ZHX3: variants seen among roughly 807,000 people sequenced by gnomAD.
ZHX3 encodes the protein zinc fingers and homeoboxes protein 3.
ZHX3 carries 20 observed loss-of-function variants against 64.5 expected under a neutral mutation model. That is an observed-to-expected ratio of 0.31 (90% CI 0.22 to 0.45). The LOEUF (loss-of-function observed/expected upper bound fraction) is 0.45. ZHX3 is among the 20% of genes least tolerant of loss of function. The probability of loss-of-function intolerance (pLI) is 1.00; values close to 1 mark genes in which losing one functional copy is unlikely to be tolerated. For missense variants in ZHX3, 1,041 were observed against 1,195.8 expected (o/e 0.87, Z 1.91); for synonymous variants, 423 against 461.6 (o/e 0.92, Z 1.07).
intron 1 of ZHX3, among the ~76,000 whole-genome samples, chr20:41,276,427 C>T (rs1268098705): frequency 6.6e-6 from 1 of 152,136 alleles, no homozygotes; most frequent in Non-Finnish European, 1.5e-5. Context: ...GCCTCACTCT[C>T]AGTATAGTCA....
intron 1 of ZHX3, among the ~76,000 whole-genome samples, chr20:41,277,589 A>T (rs1207401212): frequency 6.7e-6 from 1 of 149,086 alleles, no homozygotes; most frequent in South Asian, 2.1e-4. Flanking sequence ...CTCCATGTTA[A>T]TTTTTTTTTT....
At chr20:41,282,579 C>A (rs538334708) in intron 1 of ZHX3, among the ~76,000 whole-genome samples, 2 of 152,018 alleles carry the variant, frequency 1.3e-5, no homozygotes, top group East Asian at 1.9e-4. Flanking sequence ...GGGCTGTTCT[C>A]GAACTCCTGA....
At position 41,191,824 on chromosome 20, in the gene ZHX3, T is replaced by C. The variant is rs562406352; in HGVS notation, c.2861-6623A>G. Among the ~76,000 whole-genome samples, 5 of 152,290 alleles carry C rather than the reference T, an allele frequency of 3.3e-5. No individual in the cohort carries two copies. The East Asian group carries it at 9.6e-4, about 29-fold the overall frequency. On this transcript the variant is annotated intron_variant, in intron 3 of 3. Coordinates refer to ENST00000683867, the MANE Select transcript of ZHX3 (RefSeq NM_001384317.1). ...GCTGAGTAGTTACTAGTGGAAGCTA[T>C]GGTAAAATTTTGCTAAGGACTGGAA...
intron 2 of ZHX3, among the ~76,000 whole-genome samples, chr20:41,234,144 T>G (rs2040807288): frequency 6.6e-6 from 1 of 152,208 alleles, no homozygotes; most frequent in African/African-American, 2.4e-5. Flanking sequence ...TCTAACAGCC[T>G]CACTCGGGCC....
At chr20:41,287,182 G>T (rs1412727564) in intron 1 of ZHX3, among the ~76,000 whole-genome samples, 1 of 151,916 alleles carries the variant, frequency 6.6e-6, no homozygotes, top group Non-Finnish European at 1.5e-5. Context: ...TTTATCCCAG[G>T]AATCCACACC....
At chr20:41,194,305 T>G (rs2037299912) in intron 3 of ZHX3, among the ~76,000 whole-genome samples, 1 of 152,184 alleles carries the variant, frequency 6.6e-6, no homozygotes, top group Non-Finnish European at 1.5e-5. Flanking sequence ...AGTTGACTTG[T>G]TAGATGCTCT....
At position 41,185,536 on chromosome 20, in the gene ZHX3, C is replaced by A. The variant is rs2036448120; in HGVS notation, c.2861-335G>T. The A allele has an allele frequency of 6.2e-6, 3 of 483,842 alleles. No individual in the cohort carries two copies. Among genetic ancestry groups the A allele is most frequent in the Non-Finnish European group, 1.1e-5 (3 of 275,286 alleles). 30.0% of individuals were successfully genotyped at this position (483,842 alleles called of 1,614,324 possible). A position where few individuals can be genotyped will look rare whatever the true frequency, so the allele number is the denominator to read the frequency against. ...CTTCCGCCACCACCGTCTCTGGAGT[C>A]CTGTCCTAAAATGCTTCATCCTGCC... On this transcript the variant is annotated intron_variant, in intron 3 of 3. Transcript: ENST00000683867. The surrounding 1 kb of genome is among the most constrained non-coding windows in gnomAD (Gnocchi z 5.0).
At chr20:41,290,139 C>CT (rs2044155223) in intron 1 of ZHX3, 1 of 152,164 alleles carries the variant, frequency 6.6e-6, no homozygotes, top group African/African-American at 2.4e-5. Context: ...AAGACTAGCT[C>CT]TAAAGAGAAG....
intron 2 of ZHX3, among the ~76,000 whole-genome samples, chr20:41,215,841 A>ACT (rs1270953572): frequency 6.7e-6 from 1 of 150,304 alleles, no homozygotes; most frequent in African/African-American, 2.4e-5. Flanking sequence ...AGTCCCAGCC[A>ACT]CTCAGGAGGC....
chr20:41,299,780 T>C (rs547024096), intron 1 of ZHX3, among the ~76,000 whole-genome samples: 5 of 149,244 alleles, frequency 3.4e-5, no homozygotes, highest in African/African-American at 1.2e-4. Context: ...GAGAATCGCT[T>C]GAACCTGGAA....
Position 41,204,267 on chromosome 20 carries a change from T to C in ZHX3, c.650A>G (p.Lys217Arg). The C allele has an allele frequency of 6.2e-7, 1 of 1,614,240 alleles. No individual in the cohort carries two copies. The highest frequency in any genetic ancestry group is 8.5e-7 in the Non-Finnish European group (1 of 1,180,040). ...PSQPVGEALP[K>R]LSTGEMEVRE... Reference sequence around the variant, plus strand: ...CACCTCCATTTCTCCAGTCGACAGCTTTGGTAAGGCCTCACCCACAGGCTG... The same window carrying C: ...CACCTCCATTTCTCCAGTCGACAGCCTTGGTAAGGCCTCACCCACAGGCTG... Residue 217 changes from lysine to arginine, a missense_variant, in exon 3 of 4, where the codon AAG (lysine) becomes AGG (arginine). Around this residue, in one of 4 missense-constraint regions of ZHX3, gnomAD observed 358 missense variants for 369.1 expected, o/e 0.97. Coordinates refer to ENST00000683867, the MANE Select transcript of ZHX3 (RefSeq NM_001384317.1). This position sits in a 1 kb window ranked among gnomAD's most constrained non-coding sequence, Gnocchi z 6.6.
intron 3 of ZHX3, among the ~76,000 whole-genome samples, chr20:41,189,403 G>A (rs1309774000): frequency 1.3e-5 from 2 of 152,096 alleles, no homozygotes; most frequent in African/African-American, 2.4e-5. Context: ...GATAGCAATT[G>A]CATTGAATCT....
chr20:41,236,221 C>T (rs1483878803), intron 2 of ZHX3, among the ~76,000 whole-genome samples: 1 of 152,132 alleles, frequency 6.6e-6, no homozygotes, highest in Non-Finnish European at 1.5e-5. Context: ...GATTCAATGC[C>T]AACCCCATCA....
chr20:41,185,348 T>G lies in ZHX3; in HGVS notation c.2861-147A>C. On this transcript the variant is annotated intron_variant, in intron 3 of 3. Transcript: ENST00000683867. This position sits in a 1 kb window ranked among gnomAD's most constrained non-coding sequence, Gnocchi z 5.0. ...CAATGAATGGCCTTCTGCCACCCAC[T>G]CCCCCACCCTCCAGCCTGAGGGAAT... is the stretch of plus-strand genomic sequence containing the variant. 1 of 943,036 alleles carries G rather than the reference T, an allele frequency of 1.1e-6. No homozygotes were observed. 58.4% of individuals were successfully genotyped at this position (943,036 alleles called of 1,614,324 possible).
At chr20:41,230,254 T>G (rs1262243808) in intron 2 of ZHX3, among the ~76,000 whole-genome samples, 3 of 152,222 alleles carry the variant, frequency 2.0e-5, no homozygotes, top group African/African-American at 7.2e-5. Context: ...TGGCTCTCAT[T>G]GTATTTCTGT....
chr20:41,312,541 C>T (rs1166760443), intron 1 of ZHX3, among the ~76,000 whole-genome samples: 2 of 152,170 alleles, frequency 1.3e-5, no homozygotes, highest in African/African-American at 2.4e-5. Context: ...ACTCCGGACA[C>T]ACTATGAATT....
intron 2 of ZHX3, among the ~76,000 whole-genome samples, chr20:41,251,851 T>TAA (rs1259038508): frequency 2.7e-4 from 41 of 152,118 alleles, no homozygotes; most frequent in Admixed American, 7.9e-4. Flanking sequence ...TATATATATA[T>TAA]AACATGGCTT....
At chr20:41,265,736 T>C (rs1482726929) in intron 2 of ZHX3, among the ~76,000 whole-genome samples, 1 of 152,184 alleles carries the variant, frequency 6.6e-6, no homozygotes, top group East Asian at 1.9e-4. Flanking sequence ...TGCCCACTAC[T>C]ATATACTTAA....
At chr20:41,268,763 A>G (rs2146613459) in intron 2 of ZHX3, among the ~76,000 whole-genome samples, 1 of 152,370 alleles carries the variant, frequency 6.6e-6, no homozygotes, top group East Asian at 1.9e-4. Flanking sequence ...CAAAGAAATC[A>G]TCGAAGTTGT....
Sources: allele counts gnomAD v4.1 joint callset (sites outside exome capture counted in the v4.1 genomes callset), GRCh38; gene constraint gnomAD v4.1.1; regional missense constraint gnomAD v4.1.1; non-coding constraint Gnocchi (gnomAD v3.1); transcripts MANE v1.5; gene names NCBI Gene and HGNC (gene_info 2026-07-23, HGNC 2026-07-21).